The following WDR25 variants were observed in gnomAD, a reference collection of about 807,000 sequenced individuals.
WDR25 encodes WD repeat domain 25.
In WDR25, 35 loss-of-function variants were observed where a neutral mutation model predicts 47.7. That is an observed-to-expected ratio of 0.73 (90% CI 0.56 to 0.97). WDR25 has a LOEUF of 0.97. Ranked by LOEUF, WDR25 falls within the 50% of genes least tolerant of loss-of-function variation. The pLI is 0.00. For synonymous variants in WDR25, 248 were observed against 278.9 expected (o/e 0.89, Z 1.10); for missense variants, 634 against 704.7 (o/e 0.90, Z 1.14).
At chr14:100,408,728 A>G (rs890037059) in intron 2 of WDR25, among the ~76,000 whole-genome samples, 19 of 152,246 alleles carry the variant, frequency 1.2e-4, no homozygotes, top group Non-Finnish European at 1.5e-5. Flanking sequence ...AGTTAATGAT[A>G]GTATATGACG....
chr14:100,474,165 T>G (rs572045441), intron 3 of WDR25, among the ~76,000 whole-genome samples: 1 of 152,346 alleles, frequency 6.6e-6, no homozygotes, highest in African/African-American at 2.4e-5. Context: ...AAGGCCAGTC[T>G]CTGTTGCCAC....
chr14:100,520,716 A>C (rs1443246466), intron 4 of WDR25, among the ~76,000 whole-genome samples: 1 of 152,120 alleles, frequency 6.6e-6, no homozygotes, highest in Non-Finnish European at 1.5e-5. Context: ...GCTCCATCCT[A>C]GGGACTCTAG....
intron 2 of WDR25, among the ~76,000 whole-genome samples, chr14:100,446,427 TG>T (rs1250463875): frequency 6.6e-6 from 1 of 151,658 alleles, no homozygotes; most frequent in East Asian, 1.9e-4. Context: ...GGTGGGTGCC[TG>T]TAATCCCAGC....
chr14:100,377,709 T>G lies in WDR25; in HGVS notation c.-16+1214T>G, dbSNP rs535192585. ...ACTAGAGGAGGCTGACTACAGACAT[T>G]TATGGAATGATGACCTGACTTGTAG... is the stretch of plus-strand genomic sequence containing the variant. On this transcript the variant is annotated intron_variant, in intron 1 of 6. Transcript: ENST00000402312. 2.0e-5 allele frequency among the ~76,000 whole-genome samples: 3 copies of G among 152,218 alleles called. No homozygotes were observed. The East Asian group carries it at 5.8e-4, about 29-fold the overall frequency.
At chr14:100,393,828 G>A (rs1051246674) in intron 2 of WDR25, among the ~76,000 whole-genome samples, 1 of 152,168 alleles carries the variant, frequency 6.6e-6, no homozygotes, top group African/African-American at 2.4e-5. Flanking sequence ...GTGTCCTGTG[G>A]TCAGGGCCAA....
chr14:100,408,701 G>C (rs1477500253), intron 2 of WDR25, among the ~76,000 whole-genome samples: 3 of 152,296 alleles, frequency 2.0e-5, no homozygotes, highest in African/African-American at 7.2e-5. Context: ...TCCTCTGAAG[G>C]GCCGAAAGCA....
At chr14:100,408,884 C>T (rs1297918996) in intron 2 of WDR25, among the ~76,000 whole-genome samples, 2 of 152,144 alleles carry the variant, frequency 1.3e-5, no homozygotes, top group African/African-American at 4.8e-5. Context: ...GTAGAAAATA[C>T]ATAAATGCAT....
rs201286410 is a variant in WDR25, at chr14:100,381,028, A to G, written c.104A>G (p.Gln35Arg). 7.3e-5 allele frequency: 118 copies of G among 1,614,222 alleles called. No individual in the cohort carries two copies. The highest frequency in any genetic ancestry group is 1.7e-4 in the Admixed American group (10 of 60,028). The change falls in exon 2 of 7, where the codon CAG becomes CGG. Residue 35 changes from glutamine to arginine, a missense_variant. Transcript: ENST00000402312. ...EHAGSFNATG[Q>R]QKDTSGVARP... Reference sequence around the variant, plus strand: ...GCAGGAAGTTTTAATGCTACCGGCCAGCAGAAAGACACTTCTGGTGTGGCC... The same window carrying G: ...GCAGGAAGTTTTAATGCTACCGGCCGGCAGAAAGACACTTCTGGTGTGGCC...
At chr14:100,490,741 T>G (rs927331415) in intron 4 of WDR25, among the ~76,000 whole-genome samples, 1 of 152,212 alleles carries the variant, frequency 6.6e-6, no homozygotes, top group Non-Finnish European at 1.5e-5. Flanking sequence ...AGATTTGCAC[T>G]CCTGTGATGG....
rs188191869 is a variant in WDR25 at position 100,431,888 on chromosome 14, T to G, written c.823-36133T>G. Among the ~76,000 whole-genome samples the G allele has an allele frequency of 9.2e-3, 1,408 of 152,274 alleles. 15 individuals carry two copies. The highest frequency in any genetic ancestry group is 0.046 in the South Asian group (223 of 4,826). On this transcript the variant is annotated intron_variant, in intron 2 of 6. Coordinates refer to ENST00000402312, the MANE Select transcript of WDR25 (RefSeq NM_001161476.3). ...CCAAGCCCAGCTAATTTTTGTATTT[T>G]TAGTAGAGATGGGGTTTCACCAGAT...
At chr14:100,434,086 A>C (rs764011348) in intron 2 of WDR25, among the ~76,000 whole-genome samples, 5 of 152,146 alleles carry the variant, frequency 3.3e-5, no homozygotes, top group Non-Finnish European at 7.3e-5. Flanking sequence ...AAGAAAAAAA[A>C]ACCAGAGAGA....
chr14:100,454,188 T>C (rs1180732806), intron 2 of WDR25, among the ~76,000 whole-genome samples: 1 of 152,302 alleles, frequency 6.6e-6, no homozygotes, highest in East Asian at 1.9e-4. Context: ...CTACAAACCC[T>C]GAAGTGTTCC....
intron 2 of WDR25, among the ~76,000 whole-genome samples, chr14:100,462,830 C>T (rs1595113886): frequency 1.3e-5 from 2 of 151,632 alleles, no homozygotes; most frequent in East Asian, 1.9e-4. Flanking sequence ...TCTTCCCCTC[C>T]CTTCTCTTCT....
intron 2 of WDR25, among the ~76,000 whole-genome samples, chr14:100,462,084 A>G (rs759962473): frequency 6.6e-6 from 1 of 152,246 alleles, no homozygotes; most frequent in Non-Finnish European, 1.5e-5. Context: ...AAAGGCAGGC[A>G]GGCAGAAAGA....
At chr14:100,389,384 TAAGAG>T (rs375234029) in intron 2 of WDR25, among the ~76,000 whole-genome samples, 65 of 152,352 alleles carry the variant, frequency 4.3e-4, no homozygotes, top group African/African-American at 1.5e-3. Flanking sequence ...TATTTCCTCT[TAAGAG>T]AAGGGTTAGG....
At chr14:100,403,607 T>C (rs73361432) in intron 2 of WDR25, among the ~76,000 whole-genome samples, 12,008 of 152,226 alleles carry the variant, frequency 0.079, 1,447 homozygotes, top group African/African-American at 0.26. Context: ...TTAGCACAGA[T>C]ACAGCAACTC....
At position 100,449,873 on chromosome 14, in the gene WDR25, A is replaced by G. The variant is rs1182430600; in HGVS notation, c.823-18148A>G. Among the ~76,000 whole-genome samples, 2 of 152,010 alleles carry G rather than the reference A, an allele frequency of 1.3e-5. No homozygotes were observed. The highest frequency in any genetic ancestry group is 2.9e-5 in the Non-Finnish European group (2 of 67,996). ...CAGAAGGGGGCTGTCTCCTGCTGTT[A>G]CGCCATGTGCCACGACACCCTGCCT... On this transcript the variant is annotated intron_variant, in intron 2 of 6. Transcript: ENST00000402312. This position sits in a 1 kb window ranked among gnomAD's most constrained non-coding sequence, Gnocchi z 4.2.
chr14:100,491,478 A>G (rs560673725), intron 4 of WDR25, among the ~76,000 whole-genome samples: 2 of 152,358 alleles, frequency 1.3e-5, no homozygotes, highest in South Asian at 4.1e-4. Context: ...CCTGTCACCT[A>G]GTGATCACCT....
chr14:100,489,464 G>C (rs1311895308), intron 4 of WDR25, among the ~76,000 whole-genome samples: 7 of 152,200 alleles, frequency 4.6e-5, no homozygotes, highest in Non-Finnish European at 8.8e-5. Flanking sequence ...GTTAGGATAA[G>C]TAATAAAAAT....
Sources: gnomAD v4.1 joint callset for allele counts (sites outside exome capture counted in the v4.1 genomes callset) on GRCh38, gnomAD v4.1.1 for gene constraint, Gnocchi (gnomAD v3.1) non-coding constraint, MANE v1.5 for transcripts, NCBI Gene and HGNC (gene_info 2026-07-23, HGNC 2026-07-21) for gene names.